Variants in NCAM1 observed in about 807,000 individuals in gnomAD.
The protein encoded by NCAM1 is neural cell adhesion molecule 1, also known as antigen recognized by monoclonal antibody 5.1H11.
Under a neutral mutation model 109.8 loss-of-function variants are expected in NCAM1, and 14 were observed. The ratio of observed to expected loss-of-function variants is 0.13; its 90% CI spans 0.08 to 0.20. The LOEUF is 0.20. NCAM1 is among the 10% of genes least tolerant of loss of function. The probability of loss-of-function intolerance (pLI) is 1.00; values close to 1 mark genes in which losing one functional copy is unlikely to be tolerated. For synonymous variants in NCAM1, 418 were observed against 442.9 expected, an observed-to-expected ratio of 0.94 and a Z score of 0.70; for missense variants, 774 against 1,109.9, an observed-to-expected ratio of 0.70 and a Z score of 4.30.
At chr11:113,256,058 G>A in intron 16 of NCAM1, 57 bp downstream of exon 16, 1 of 1,554,664 alleles carries the variant, frequency 6.4e-7, no homozygotes, top group Non-Finnish European at 8.7e-7. Flanking sequence ...CACCCAGCTT[G>A]CTAGGGAAAC....
At chr11:113,234,885 C>T in intron 13 of NCAM1, 148 bp from the exon 14 acceptor site, 1 of 1,103,760 alleles carries the variant, frequency 9.1e-7, no homozygotes, top group East Asian at 2.6e-5. Context: ...TCCCGACTTT[C>T]AATTCTATGC....
At chr11:113,083,281 C>T (rs1938926591) in intron 1 of NCAM1, among the ~76,000 whole-genome samples, 1 of 152,122 alleles carries the variant, frequency 6.6e-6, no homozygotes, top group Non-Finnish European at 1.5e-5. Context: ...TGAAGAGACT[C>T]AATTTCAGAA....
At chr11:113,245,041 G>A (rs1945459920) in intron 14 of NCAM1, among the ~76,000 whole-genome samples, 1 of 151,654 alleles carries the variant, frequency 6.6e-6, no homozygotes, top group South Asian at 2.1e-4. Flanking sequence ...TTAACAAGTC[G>A]AGATCACTCA....
chr11:113,167,256 G>GTA (rs1391380432), intron 1 of NCAM1, among the ~76,000 whole-genome samples: 1 of 152,152 alleles, frequency 6.6e-6, no homozygotes, highest in East Asian at 1.9e-4. Context: ...TCCTTTGTAT[G>GTA]TATATATATC....
chr11:113,130,894 A>T (rs551195557), intron 1 of NCAM1: 12 of 152,304 alleles, frequency 7.9e-5, no homozygotes, highest in Non-Finnish European at 1.5e-4. Flanking sequence ...CTAAGGTAGA[A>T]TGGTGGTATT....
At chr11:113,148,737 T>C (rs1245129) in intron 1 of NCAM1, among the ~76,000 whole-genome samples, 48,586 of 152,032 alleles carry the variant, frequency 0.32, 8,596 homozygotes, top group East Asian at 0.58. Context: ...ATTCCTGCAG[T>C]AGTTTTGGGT....
In NCAM1 at chr11:113,273,357, C is replaced by T. The variant is rs1156937296; in HGVS notation, c.2456+1481C>T. On this transcript the variant is annotated intron_variant, in intron 19 of 19. Coordinates refer to ENST00000316851, the MANE Select transcript of NCAM1 (RefSeq NM_181351.5). This position sits in a 1 kb window ranked among gnomAD's most constrained non-coding sequence, Gnocchi z 6.0. Reference sequence around the variant, plus strand: ...TCCGGCCAGCAAGCCCACCCCTGCACCAGTCCCCACCCCGACTGGGGCAGC... The same window carrying T: ...TCCGGCCAGCAAGCCCACCCCTGCATCAGTCCCCACCCCGACTGGGGCAGC... 2 of 339,500 alleles carry T rather than the reference C, an allele frequency of 5.9e-6. No individual in the cohort carries two copies. Among genetic ancestry groups the T allele is most frequent in the Admixed American group, 7.9e-5 (2 of 25,476 alleles). 21.0% of individuals were successfully genotyped at this position (339,500 alleles called of 1,614,324 possible). A position where few individuals can be genotyped will look rare whatever the true frequency, so the allele number is the denominator to read the frequency against.
intron 1 of NCAM1, among the ~76,000 whole-genome samples, chr11:113,050,359 A>G (rs868923238): frequency 6.6e-6 from 1 of 152,178 alleles, no homozygotes; most frequent in Non-Finnish European, 1.5e-5. Context: ...CGCTGACTCA[A>G]ATATTTAACT....
rs782244033 is a variant in NCAM1 at position 113,275,362 on chromosome 11, C to A, written c.2552C>A (p.Thr851Lys). ...VKTVPNDATQ[T>K]KENESKA ...ACGGTCCCCAATGACGCCACACAGA[C>A]AAAGGAGAACGAGAGCAAAGCATGA... Residue 851 changes from threonine (T) to lysine (K), a missense_variant, in exon 20 of 20, where the codon ACA becomes AAA. By Grantham distance (78) the Thr-to-Lys change is moderately conservative (BLOSUM62 -1). Around this residue, in one of 4 missense-constraint regions of NCAM1, gnomAD observed 122 missense variants for 129.7 expected, o/e 0.94. Coordinates refer to ENST00000316851, the MANE Select transcript of NCAM1 (RefSeq NM_181351.5). The A allele has an allele frequency of 6.2e-7, 1 of 1,613,224 alleles. No homozygotes were observed. The highest frequency in any genetic ancestry group is 1.3e-5 in the African/African-American group (1 of 74,982).
chr11:113,085,910 T>G (rs1208561499), intron 1 of NCAM1, among the ~76,000 whole-genome samples: 1 of 152,256 alleles, frequency 6.6e-6, no homozygotes, highest in East Asian at 1.9e-4. Flanking sequence ...TCTGGGGTTA[T>G]GCCAACCTCC....
chr11:113,106,323 G>A (rs897283380), intron 1 of NCAM1, among the ~76,000 whole-genome samples: 1 of 152,142 alleles, frequency 6.6e-6, no homozygotes, highest in Non-Finnish European at 1.5e-5. Context: ...TTCTGAGTTC[G>A]TGGCATTATG....
chr11:113,154,305 A>G (rs1264861304), intron 1 of NCAM1, among the ~76,000 whole-genome samples: 3 of 152,204 alleles, frequency 2.0e-5, no homozygotes, highest in African/African-American at 7.2e-5. Context: ...TTTGAGGGCT[A>G]TATGGAGAAG....
intron 1 of NCAM1, among the ~76,000 whole-genome samples, chr11:113,190,024 C>A (rs1273496578): frequency 6.6e-6 from 1 of 152,060 alleles, no homozygotes; most frequent in Non-Finnish European, 1.5e-5. Context: ...TCCCAGTGAC[C>A]AAGTTTGTGT....
intron 9 of NCAM1, 99 bp from the exon 10 acceptor site, chr11:113,231,546 G>C: frequency 8.0e-7 from 1 of 1,251,202 alleles, no homozygotes; most frequent in Non-Finnish European, 1.1e-6. Context: ...TCACAGACAA[G>C]TGATGGCCTA....
intron 1 of NCAM1, among the ~76,000 whole-genome samples, chr11:113,080,806 C>T (rs900270362): frequency 3.3e-5 from 5 of 152,118 alleles, no homozygotes; most frequent in Non-Finnish European, 4.4e-5. Flanking sequence ...AGTGCCAAGT[C>T]ATTGTATATG....
At chr11:113,011,395 C>T (rs980134174) in intron 1 of NCAM1, among the ~76,000 whole-genome samples, 8 of 151,990 alleles carry the variant, frequency 5.3e-5, no homozygotes, top group Non-Finnish European at 1.0e-4. Context: ...CAAGTCTTCA[C>T]TATTGTGAAT....
At chr11:113,058,497 A>G (rs1953796069) in intron 1 of NCAM1, among the ~76,000 whole-genome samples, 1 of 152,176 alleles carries the variant, frequency 6.6e-6, no homozygotes, top group African/African-American at 2.4e-5. Context: ...CACAGAAGCT[A>G]TGCCATGAAG....
intron 7 of NCAM1, among the ~76,000 whole-genome samples, chr11:113,213,025 T>C (rs1263440502): frequency 1.3e-5 from 2 of 152,228 alleles, no homozygotes; most frequent in Admixed American, 6.5e-5. Context: ...ATTTGAACTA[T>C]ATGGATGATT....
intron 9 of NCAM1, among the ~76,000 whole-genome samples, chr11:113,229,494 A>T (rs1248579430): frequency 2.6e-5 from 4 of 152,204 alleles, no homozygotes; most frequent in Non-Finnish European, 4.4e-5. Flanking sequence ...GGGACTGTAA[A>T]CTAGTTCAAC....
Sources: gnomAD v4.1 joint callset for allele counts (sites outside exome capture counted in the v4.1 genomes callset) on GRCh38, gnomAD v4.1.1 for gene constraint, gnomAD v4.1.1 regional missense constraint, Gnocchi (gnomAD v3.1) non-coding constraint, MANE v1.5 for transcripts, NCBI Gene and HGNC (gene_info 2026-07-23, HGNC 2026-07-21) for gene names.